VPS28: variants seen among roughly 807,000 people sequenced by gnomAD.
VPS28 encodes the protein vacuolar protein sorting-associated protein 28 homolog.
A neutral mutation model predicts 33.7 loss-of-function variants in VPS28; 29 were observed. That is an observed-to-expected ratio of 0.86 (90% CI 0.64 to 1.17). The LOEUF (loss-of-function observed/expected upper bound fraction) is 1.17. Ranked by LOEUF, VPS28 falls within the 50% of genes most tolerant of loss-of-function variation. VPS28 has a pLI of 0.00. For synonymous variants in VPS28, 164 were observed against 116.7 expected, an observed-to-expected ratio of 1.40 and a Z score of -2.61; for missense variants, 247 against 312.2, an observed-to-expected ratio of 0.79 and a Z score of 1.57.
In VPS28 at chr8:144,425,987, G is replaced by A. The variant is rs781948378; in HGVS notation, c.104+39C>T. ...GGGCTGCCCCAGGGCAGCCAGATGC[G>A]CATGGGTGTGTTGGGACAGCCTGGG... On this transcript the variant is annotated intron_variant, in intron 4 of 9. Transcript: ENST00000292510. 6.7e-5 allele frequency: 99 copies of A among 1,480,164 alleles called. 1 individual carries two copies. The highest frequency in any genetic ancestry group is 8.6e-5 in the Non-Finnish European group (95 of 1,108,336). 91.7% of individuals were successfully genotyped at this position (1,480,164 alleles called of 1,614,324 possible).
At chr8:144,428,455 C>T (rs1333620437) in intron 1 of VPS28, 34 bp downstream of exon 1, 2 of 152,242 alleles carry the variant, frequency 1.3e-5, no homozygotes, top group African/African-American at 4.8e-5. Context: ...CCCCACTCTG[C>T]CCCTTCCCCG....
intron 3 of VPS28, 45 bp downstream of exon 3, chr8:144,426,135 A>G (rs1822726465): frequency 6.3e-7 from 1 of 1,590,642 alleles, no homozygotes; most frequent in African/African-American, 1.3e-5. Context: ...CCACACAGGC[A>G]TTTGCTGTTG....
rs564270878 is a variant in VPS28, at chr8:144,426,818, T to C, written c.37+91A>G. 4 of 1,460,680 alleles carry C rather than the reference T, an allele frequency of 2.7e-6. No homozygotes were observed. The South Asian group carries it at 4.8e-5, about 18-fold the overall frequency. The allele number at this position is 1,460,680 out of a possible 1,614,324, so 90.5% of individuals were successfully genotyped here. A position where few individuals can be genotyped will look rare whatever the true frequency, so the allele number is the denominator to read the frequency against. ...AAGGCTGTACGAGAGCAGGGTCAGA[T>C]ACCTCCCCACCCCCGATCCCCAATA... is the stretch of plus-strand genomic sequence containing the variant. On this transcript the variant is annotated intron_variant, in intron 2 of 9. Coordinates refer to ENST00000292510, the MANE Select transcript of VPS28 (RefSeq NM_016208.4).
At chr8:144,425,326 T>G in intron 5 of VPS28, 1 of 513,250 alleles carries the variant, frequency 1.9e-6, no homozygotes, top group East Asian at 3.5e-5. Flanking sequence ...GATGGCCGCA[T>G]CCACAGCTCA....
intron 2 of VPS28, chr8:144,426,588 CT>C (rs1822766189): frequency 2.2e-6 from 1 of 453,304 alleles, no homozygotes; most frequent in East Asian, 4.2e-5. Flanking sequence ...CCACGCCCTG[CT>C]CGTGGCTCAT....
intron 1 of VPS28, 142 bp from the exon 2 acceptor site, chr8:144,427,121 GA>G: frequency 1.9e-6 from 1 of 527,904 alleles, no homozygotes. Flanking sequence ...CCAACATGGT[GA>G]AACCCTGTCT....
At chr8:144,424,689 A>G in intron 7 of VPS28, 29 bp downstream of exon 7, 1 of 1,605,992 alleles carries the variant, frequency 6.2e-7, no homozygotes, top group Non-Finnish European at 8.5e-7. Flanking sequence ...CGGCTCTCCT[A>G]ACCACGTGCC....
At chr8:144,424,694 C>G in intron 7 of VPS28, 24 bp downstream of exon 7, 1 of 1,607,550 alleles carries the variant, frequency 6.2e-7, no homozygotes, top group East Asian at 2.2e-5. Context: ...CTCCTAACCA[C>G]GTGCCCTGGG....
At position 144,423,618 on chromosome 8, in the gene VPS28, A is replaced by C; in HGVS notation, c.*187T>G. ...GGCCTGGGGGAGCCACCCAAGCAGGAAGGTCGGAGAGCATCTTTATTGTGG... is the reference window on the plus strand; with the variant it reads ...GGCCTGGGGGAGCCACCCAAGCAGGCAGGTCGGAGAGCATCTTTATTGTGG... On this transcript the variant is annotated 3_prime_UTR_variant, in exon 10 of 10. Coordinates refer to ENST00000292510, the MANE Select transcript of VPS28 (RefSeq NM_016208.4). 1 of 725,426 alleles carries C rather than the reference A, an allele frequency of 1.4e-6. No individual in the cohort carries two copies. Among genetic ancestry groups the C allele is most frequent in the Non-Finnish European group, 2.3e-6 (1 of 437,720 alleles). 44.9% of individuals were successfully genotyped at this position (725,426 alleles called of 1,614,324 possible).
intron 6 of VPS28, 44 bp downstream of exon 6, chr8:144,424,902 C>A (rs782706925): frequency 1.2e-6 from 2 of 1,609,246 alleles, no homozygotes; most frequent in Non-Finnish European, 1.7e-6. Context: ...CATACCCATG[C>A]CCGACAGTCT....
chr8:144,428,315 C>T (rs1822952352), intron 1 of VPS28, among the ~76,000 whole-genome samples, 174 bp downstream of exon 1: 1 of 152,252 alleles, frequency 6.6e-6, no homozygotes, highest in African/African-American at 2.4e-5. Flanking sequence ...AAAACAACCT[C>T]GCAGAGTGGA....
At chr8:144,424,547 G>A (rs1444434877) in intron 7 of VPS28, 171 bp downstream of exon 7, 3 of 848,242 alleles carry the variant, frequency 3.5e-6, no homozygotes, top group South Asian at 1.7e-5. Flanking sequence ...CAGGTGGCCT[G>A]GGGGCGTCCC....
chr8:144,427,492 G>A (rs1822857769), intron 1 of VPS28, among the ~76,000 whole-genome samples: 1 of 152,172 alleles, frequency 6.6e-6, no homozygotes, highest in South Asian at 2.1e-4. Context: ...CTGCAGTGGA[G>A]TGTGGTTCAA....
chr8:144,425,863 C>CAGGGGGTA, intron 4 of VPS28, 91 bp from the exon 5 acceptor site: 1 of 1,583,246 alleles, frequency 6.3e-7, no homozygotes, highest in Non-Finnish European at 8.6e-7. Context: ...CCACTGCGGG[C>CAGGGGGTA]GCTCTGCCCA....
intron 3 of VPS28, 47 bp from the exon 4 acceptor site, chr8:144,426,110 A>T (rs781822989): frequency 6.4e-7 from 1 of 1,567,980 alleles, no homozygotes; most frequent in South Asian, 1.2e-5. Context: ...CAGGGGCTGC[A>T]GGACCCTGGT....
intron 1 of VPS28, among the ~76,000 whole-genome samples, chr8:144,428,278 A>G (rs1191248832): frequency 6.6e-6 from 1 of 152,234 alleles, no homozygotes; most frequent in Non-Finnish European, 1.5e-5. Flanking sequence ...GCGAAAGCGG[A>G]CGTTCTGCGG....
At chr8:144,426,620 C>T (rs1822768772) in intron 2 of VPS28, 1 of 483,606 alleles carries the variant, frequency 2.1e-6, no homozygotes, top group African/African-American at 2.0e-5. Context: ...CAACAAGGCT[C>T]ACCACACACA....
At chr8:144,424,427 G>C (rs1297061792) in intron 7 of VPS28, 159 bp from the exon 8 acceptor site, 7 of 1,022,350 alleles carry the variant, frequency 6.8e-6, no homozygotes, top group Non-Finnish European at 9.7e-6. Context: ...CGAGGTCCTG[G>C]CTGCCCAGAC....
In VPS28 at chr8:144,424,312, G is replaced by A. The variant is rs2272659; in HGVS notation, c.403-44C>T. The A allele has an allele frequency of 4.4e-5, 68 of 1,547,800 alleles. No homozygotes were observed. In the East Asian group the frequency reaches 1.1e-3, roughly 24 times the overall value. ...ATGAGGCTCGCGTGTCCACGGGTGC[G>A]GGAGGCCCCACGGCTCACGGGCCCC... On this transcript the variant is annotated intron_variant, in intron 7 of 9. Coordinates refer to ENST00000292510, the MANE Select transcript of VPS28 (RefSeq NM_016208.4).
Sources: gnomAD v4.1 joint callset for allele counts (sites outside exome capture counted in the v4.1 genomes callset) on GRCh38, gnomAD v4.1.1 for gene constraint, MANE v1.5 for transcripts, NCBI Gene and HGNC (gene_info 2026-07-23, HGNC 2026-07-21) for gene names.